Variants in WWOX observed in about 807,000 individuals in gnomAD.
WWOX encodes WW domain-containing oxidoreductase.
A neutral mutation model predicts 46.2 loss-of-function variants in WWOX; 69 were observed. That is an observed-to-expected ratio of 1.49 (90% CI 1.23 to 1.82). The LOEUF is 1.82. Among genes scored for constraint, WWOX ranks in the 40% most tolerant of loss-of-function variants. The pLI, the probability that WWOX is intolerant of heterozygous loss-of-function variation, is 0.00. For synonymous variants in WWOX, 359 were observed against 202.6 expected, an observed-to-expected ratio of 1.77 and a Z score of -6.56; for missense variants, 919 against 542.6, an observed-to-expected ratio of 1.69 and a Z score of -6.89.
intron 8 of WWOX, among the ~76,000 whole-genome samples, chr16:78,471,550 A>G (rs892355169): frequency 2.6e-5 from 4 of 152,264 alleles, no homozygotes; most frequent in African/African-American, 9.6e-5. Flanking sequence ...AGAACTTTAC[A>G]TCCTCCATGA....
At chr16:78,350,594 C>G (rs1425606682) in intron 5 of WWOX, among the ~76,000 whole-genome samples, 1 of 120,914 alleles carries the variant, frequency 8.3e-6, no homozygotes, top group Non-Finnish European at 2.0e-5. Context: ...CACTTAGCAT[C>G]ATGTTTTCAA....
chr16:79,195,343 A>T (rs1183104396), intron 8 of WWOX, among the ~76,000 whole-genome samples: 11 of 152,126 alleles, frequency 7.2e-5, no homozygotes, highest in South Asian at 4.1e-4. Flanking sequence ...GTCAATCCCA[A>T]GGAAACTCTG....
chr16:78,466,600 TG>T (rs1463334330), intron 8 of WWOX, among the ~76,000 whole-genome samples: 2 of 151,906 alleles, frequency 1.3e-5, no homozygotes, highest in African/African-American at 4.8e-5. Flanking sequence ...GAGGCTGAGG[TG>T]GGTGGATCAC....
At position 78,976,656 on chromosome 16, in the gene WWOX, A is replaced by G. The variant is rs983432665; in HGVS notation, c.1057-234952A>G. 2.0e-5 allele frequency among the ~76,000 whole-genome samples: 3 copies of G among 152,214 alleles called. No homozygotes were observed. The East Asian group carries it at 5.8e-4, about 29-fold the overall frequency. Reference sequence around the variant, plus strand: ...GAAGATAAGACCATCTCTTGGATTAATGTGACGCTGAAATAAAATAATCCA... The same window carrying G: ...GAAGATAAGACCATCTCTTGGATTAGTGTGACGCTGAAATAAAATAATCCA... On this transcript the variant is annotated intron_variant, in intron 8 of 8. Transcript: ENST00000566780.
Position 78,425,006 on chromosome 16 carries a change from T to A in WWOX, c.742T>A (p.Cys248Ser). ...TGTCCAGCTCCTCCAGGATGTTTTGTGCCGCTCAGCTCCTGCCCGTGTCAT... is the reference window on the plus strand; with the variant it reads ...TGTCCAGCTCCTCCAGGATGTTTTGAGCCGCTCAGCTCCTGCCCGTGTCAT... ...YLVQLLQDVL[C>S]RSAPARVIVV... Residue 248 changes from cysteine to serine, a missense_variant, in exon 7 of 9, where the codon TGC becomes AGC. Physicochemically the swap from Cys to Ser is moderately radical, Grantham distance 112. Coordinates refer to ENST00000566780, the MANE Select transcript of WWOX (RefSeq NM_016373.4). The A allele has an allele frequency of 6.2e-7, 1 of 1,614,152 alleles. No individual in the cohort carries two copies. The highest frequency in any genetic ancestry group is 8.5e-7 in the Non-Finnish European group (1 of 1,180,030).
At chr16:78,133,665 G>A (rs2033687387) in intron 4 of WWOX, among the ~76,000 whole-genome samples, 1 of 152,192 alleles carries the variant, frequency 6.6e-6, no homozygotes, top group Admixed American at 6.5e-5. Context: ...CAAAGTAGTG[G>A]AATCACAGAC....
intron 8 of WWOX, among the ~76,000 whole-genome samples, chr16:79,158,689 T>C (rs946933557): frequency 2.0e-5 from 3 of 152,354 alleles, no homozygotes; most frequent in African/African-American, 7.2e-5. Flanking sequence ...ACCTGATTGC[T>C]TTTTGTAAGT....
chr16:78,487,655 A>G (rs2667580), intron 8 of WWOX, among the ~76,000 whole-genome samples: 45,644 of 151,934 alleles, frequency 0.3, 9,475 homozygotes, highest in African/African-American at 0.6. Context: ...AACATCCCTG[A>G]CCTCTAGCCA....
At chr16:78,726,683 C>T (rs188880111) in intron 8 of WWOX, among the ~76,000 whole-genome samples, 165 of 148,824 alleles carry the variant, frequency 1.1e-3, no homozygotes, top group African/African-American at 4.2e-3. Flanking sequence ...TTATGTAAAG[C>T]CCTAGGGTTA....
chr16:78,497,752 G>A (rs2151470549), intron 8 of WWOX, among the ~76,000 whole-genome samples: 1 of 152,210 alleles, frequency 6.6e-6, no homozygotes, highest in African/African-American at 2.4e-5. Flanking sequence ...CAGGGACAGT[G>A]GTTGGGTCTG....
intron 8 of WWOX, among the ~76,000 whole-genome samples, chr16:79,064,480 G>C (rs949712062): frequency 1.3e-5 from 2 of 152,210 alleles, no homozygotes; most frequent in African/African-American, 4.8e-5. Context: ...TCATCATCAC[G>C]TTTGTTGAGG....
chr16:78,482,821 A>T (rs971498491), intron 8 of WWOX, among the ~76,000 whole-genome samples: 1 of 152,170 alleles, frequency 6.6e-6, no homozygotes, highest in African/African-American at 2.4e-5. Context: ...CTTGGGAAGG[A>T]TCTATCTCAC....
At chr16:79,036,754 C>G (rs1006805779) in intron 8 of WWOX, among the ~76,000 whole-genome samples, 2 of 152,210 alleles carry the variant, frequency 1.3e-5, no homozygotes, top group Non-Finnish European at 2.9e-5. Context: ...GAAGAGTAAA[C>G]AGGCATGCTG....
chr16:79,189,894 T>G (rs576768159), intron 8 of WWOX, among the ~76,000 whole-genome samples: 3 of 144,724 alleles, frequency 2.1e-5, no homozygotes, highest in South Asian at 4.8e-4. Context: ...TGGTTTCATA[T>G]TCTACCTAGT....
rs567132140 is a variant in WWOX at position 78,834,633 on chromosome 16, C to G, written c.1057-376975C>G. On this transcript the variant is annotated intron_variant, in intron 8 of 8. Coordinates refer to ENST00000566780, the MANE Select transcript of WWOX (RefSeq NM_016373.4). ...GTTTGTTGCAGATGAAGACAGGGTT[C>G]CAGGAATTCTTGATCTTTCTTGAAC... Among the ~76,000 whole-genome samples the G allele has an allele frequency of 1.2e-4, 18 of 152,170 alleles. No individual in the cohort carries two copies. The South Asian group carries it at 3.5e-3, about 30-fold the overall frequency.
At chr16:78,370,419 T>A (rs561412092) in intron 5 of WWOX, among the ~76,000 whole-genome samples, 2 of 152,234 alleles carry the variant, frequency 1.3e-5, no homozygotes, top group African/African-American at 4.8e-5. Context: ...AATATCAAAT[T>A]CAAAATACCG....
At chr16:78,369,581 A>G (rs992929745) in intron 5 of WWOX, among the ~76,000 whole-genome samples, 4 of 152,102 alleles carry the variant, frequency 2.6e-5, no homozygotes, top group African/African-American at 4.8e-5. Flanking sequence ...GAGGGGCTGG[A>G]CTGATTTCTC....
At chr16:78,678,444 A>G (rs2047654661) in intron 8 of WWOX, among the ~76,000 whole-genome samples, 1 of 152,208 alleles carries the variant, frequency 6.6e-6, no homozygotes, top group Non-Finnish European at 1.5e-5. Context: ...CTCAATCTTT[A>G]TAGAAACTCA....
chr16:78,606,224 A>T (rs1038453986), intron 8 of WWOX, among the ~76,000 whole-genome samples: 1 of 152,236 alleles, frequency 6.6e-6, no homozygotes, highest in East Asian at 1.9e-4. Context: ...CTTCTTTTCA[A>T]CAAAAACTGG....
Sources: gnomAD v4.1 joint callset for allele counts (sites outside exome capture counted in the v4.1 genomes callset) on GRCh38, gnomAD v4.1.1 for gene constraint, MANE v1.5 for transcripts, NCBI Gene and HGNC (gene_info 2026-07-23, HGNC 2026-07-21) for gene names.